The following PCSK2 variants were observed in gnomAD, a reference collection of about 807,000 sequenced individuals.
The protein encoded by PCSK2 is neuroendocrine convertase 2.
Under a neutral mutation model 69.7 loss-of-function variants are expected in PCSK2, and 14 were observed. The ratio of observed to expected loss-of-function variants is 0.20; its 90% CI spans 0.13 to 0.31. PCSK2 has a LOEUF of 0.31. Among genes scored for constraint, PCSK2 ranks in the 10% least tolerant of loss-of-function variants. PCSK2 has a pLI of 1.00. For missense variants in PCSK2, 544 were observed against 842.5 expected, an observed-to-expected ratio of 0.65 and a Z score of 4.39; for synonymous variants, 307 against 320.7, an observed-to-expected ratio of 0.96 and a Z score of 0.46.
At chr20:17,315,574 C>T (rs924331199) in intron 2 of PCSK2, among the ~76,000 whole-genome samples, 1 of 152,236 alleles carries the variant, frequency 6.6e-6, no homozygotes, top group African/African-American at 2.4e-5. Context: ...ACGCCCTCCA[C>T]GGGCAGGGGC....
intron 6 of PCSK2, among the ~76,000 whole-genome samples, chr20:17,420,855 G>A (rs73259790): frequency 2.1e-3 from 323 of 152,218 alleles, no homozygotes; most frequent in African/African-American, 7.3e-3. Context: ...CTTGTACTGC[G>A]GATTCAAGAC....
chr20:17,344,001 A>G (rs772601309), intron 2 of PCSK2, among the ~76,000 whole-genome samples: 11 of 152,234 alleles, frequency 7.2e-5, no homozygotes, highest in Non-Finnish European at 1.5e-4. Context: ...AGCCACAGAA[A>G]ACTGCCCACT....
intron 2 of PCSK2, among the ~76,000 whole-genome samples, chr20:17,266,695 C>G (rs1411872093): frequency 6.6e-6 from 1 of 152,136 alleles, no homozygotes; most frequent in Non-Finnish European, 1.5e-5. Flanking sequence ...AGCAAATGGG[C>G]TTTCAACAGG....
chr20:17,360,349 ATG>A (rs1336689787), intron 3 of PCSK2, among the ~76,000 whole-genome samples, 181 bp from the exon 4 acceptor site: 2 of 151,706 alleles, frequency 1.3e-5, no homozygotes, highest in Non-Finnish European at 2.9e-5. Context: ...AAAAAAAAAA[ATG>A]GAGAGGAAAC....
chr20:17,376,572 C>T (rs1419332578), intron 5 of PCSK2, among the ~76,000 whole-genome samples: 1 of 152,078 alleles, frequency 6.6e-6, no homozygotes, highest in African/African-American at 2.4e-5. Context: ...TAGGCCTATC[C>T]TAGACCTACT....
chr20:17,284,331 G>A (rs536856639), intron 2 of PCSK2, among the ~76,000 whole-genome samples: 1 of 152,250 alleles, frequency 6.6e-6, no homozygotes, highest in South Asian at 2.1e-4. Context: ...ATCTAATCTG[G>A]AACTGTGCCT....
chr20:17,271,113 G>A (rs995805888), intron 2 of PCSK2, among the ~76,000 whole-genome samples: 1 of 152,016 alleles, frequency 6.6e-6, no homozygotes, highest in Admixed American at 6.6e-5. Context: ...GAGAAATAGG[G>A]CTTTTTCTTT....
chr20:17,377,809 A>G (rs1600532713), intron 5 of PCSK2, among the ~76,000 whole-genome samples: 1 of 152,240 alleles, frequency 6.6e-6, no homozygotes, highest in East Asian at 1.9e-4. Flanking sequence ...AGAGGAAACT[A>G]TTTATTTTTA....
intron 1 of PCSK2, among the ~76,000 whole-genome samples, chr20:17,240,109 C>G (rs866894659): frequency 3.9e-5 from 6 of 151,922 alleles, no homozygotes; most frequent in Non-Finnish European, 5.9e-5. Flanking sequence ...GCCTTGGTCT[C>G]TCAAAGTGCT....
At chr20:17,334,158 T>C (rs1191840970) in intron 2 of PCSK2, among the ~76,000 whole-genome samples, 1 of 151,674 alleles carries the variant, frequency 6.6e-6, no homozygotes, top group African/African-American at 2.4e-5. Context: ...GAAAGAGCAG[T>C]GGAGTGGGCA....
intron 11 of PCSK2, among the ~76,000 whole-genome samples, chr20:17,470,816 C>T (rs1039665054): frequency 4.6e-5 from 7 of 152,140 alleles, no homozygotes; most frequent in African/African-American, 9.7e-5. Context: ...GAAAGACTTA[C>T]GATGTCTGTG....
chr20:17,464,117 G>T (rs1326975837), intron 10 of PCSK2: 1 of 152,154 alleles, frequency 6.6e-6, no homozygotes. Flanking sequence ...TTGGCTGTCT[G>T]TTGGAATGGT....
chr20:17,308,949 T>C (rs1989417857), intron 2 of PCSK2, among the ~76,000 whole-genome samples: 1 of 151,610 alleles, frequency 6.6e-6, no homozygotes, highest in African/African-American at 2.4e-5. Flanking sequence ...TATCACAGAG[T>C]AAATATCAAA....
chr20:17,256,699 G>A lies in PCSK2; in HGVS notation c.178-3541G>A, dbSNP rs532641138. 1.3e-3 allele frequency among the ~76,000 whole-genome samples: 193 copies of A among 151,322 alleles called. 2 individuals are homozygous for A. Among genetic ancestry groups the A allele is most frequent in the African/African-American group, 3.8e-3 (156 of 41,234 alleles). On this transcript the variant is annotated intron_variant, in intron 1 of 11. Transcript: ENST00000262545. ...GGAGGTTTCTTACATAGGTATATAC[G>A]TGCCATGGTGGTTTGCTGCACCCAT...
At chr20:17,249,779 C>A (rs192643629) in intron 1 of PCSK2, among the ~76,000 whole-genome samples, 2 of 152,154 alleles carry the variant, frequency 1.3e-5, no homozygotes, top group Non-Finnish European at 2.9e-5. Context: ...ACTTATATAA[C>A]CTAATTCGAG....
At chr20:17,264,900 G>A (rs542221116) in intron 2 of PCSK2, among the ~76,000 whole-genome samples, 21 of 151,128 alleles carry the variant, frequency 1.4e-4, no homozygotes, top group Non-Finnish European at 2.5e-4. Context: ...GTCTCACTCT[G>A]TTGCCCAGGC....
In PCSK2 at chr20:17,464,988, G is replaced by A. The variant is rs148276490; in HGVS notation, c.1203-338G>A. On this transcript the variant is annotated intron_variant, in intron 10 of 11. Coordinates refer to ENST00000262545, the MANE Select transcript of PCSK2 (RefSeq NM_002594.5). ...CCAGTTTAGTTGGAATTACTTGCAC[G>A]CTCATCCACAAAGTACATGTGTTCC... The A allele has an allele frequency of 1.8e-4, 57 of 320,328 alleles. No homozygotes were observed. The Middle Eastern group carries it at 3.1e-3, about 17-fold the overall frequency. 19.8% of individuals were successfully genotyped at this position (320,328 alleles called of 1,614,324 possible).
rs150018624 is a variant in PCSK2 at position 17,450,977 on chromosome 20, C to T, written c.886-2765C>T. Among the ~76,000 whole-genome samples the T allele has an allele frequency of 6.3e-4, 96 of 152,212 alleles. 1 individual carries two copies. In the East Asian group the frequency reaches 0.016, roughly 26 times the overall value. ...TCAGTCCTCTTATGGAGGTCCCTTC[C>T]CCACTCATTTCTGCCCCCAGAACTA... On this transcript the variant is annotated intron_variant, in intron 8 of 11. Coordinates refer to ENST00000262545, the MANE Select transcript of PCSK2 (RefSeq NM_002594.5).
At chr20:17,242,411 G>C (rs1202017190) in intron 1 of PCSK2, among the ~76,000 whole-genome samples, 2 of 152,138 alleles carry the variant, frequency 1.3e-5, no homozygotes, top group African/African-American at 4.8e-5. Flanking sequence ...TGAAGATGAG[G>C]CACATTGAAA....
Sources: gnomAD v4.1 joint callset for allele counts (sites outside exome capture counted in the v4.1 genomes callset) on GRCh38, gnomAD v4.1.1 for gene constraint, MANE v1.5 for transcripts, NCBI Gene and HGNC (gene_info 2026-07-23, HGNC 2026-07-21) for gene names.